The following MND1 variants were observed in gnomAD, a reference collection of about 807,000 sequenced individuals.
The protein encoded by MND1 is meiotic nuclear division protein 1 homolog.
MND1 carries 28 observed loss-of-function variants against 35.1 expected under a neutral mutation model. That is an observed-to-expected ratio of 0.80 (90% CI 0.59 to 1.09). The LOEUF (loss-of-function observed/expected upper bound fraction) is 1.09. Among genes scored for constraint, MND1 ranks in the 50% least tolerant of loss-of-function variants. The pLI is 0.00. For synonymous variants in MND1, 69 were observed against 70.5 expected (o/e 0.98, Z 0.11); for missense variants, 213 against 239.6 (o/e 0.89, Z 0.73).
intron 2 of MND1, 30 bp downstream of exon 2, chr4:153,350,159 T>A (rs1400614673): frequency 2.6e-6 from 4 of 1,510,062 alleles, no homozygotes; most frequent in Non-Finnish European, 3.6e-6. Flanking sequence ...ACTTATAATT[T>A]TGTGTAATTT....
chr4:153,347,516 C>G (rs1169979842), intron 1 of MND1, among the ~76,000 whole-genome samples: 1 of 152,150 alleles, frequency 6.6e-6, no homozygotes, highest in East Asian at 1.9e-4. Flanking sequence ...TTTATGTCTC[C>G]CTTGTCTAAC....
Position 153,358,555 on chromosome 4 carries a change from A to G in MND1, c.209A>G (p.Tyr70Cys). The G allele has an allele frequency of 6.2e-7, 1 of 1,613,738 alleles. No homozygotes were observed. The stretch of plus-strand genomic sequence containing the variant: ...TGTGAGAGGATCGGAACTTCTAATT[A>G]TTATTGGGCTTTTCCAAGTAAAGCT... ...VDCERIGTSN[Y>C]YWAFPSKALH... The change falls in exon 4 of 8, where the codon TAT (tyrosine) becomes TGT (cysteine). Residue 70 changes from tyrosine to cysteine, a missense_variant. By Grantham distance (194) the Tyr-to-Cys change is radical (BLOSUM62 -2). Coordinates refer to ENST00000240488, the MANE Select transcript of MND1 (RefSeq NM_032117.4).
chr4:153,367,874 C>G (rs1773695608), intron 4 of MND1, among the ~76,000 whole-genome samples: 1 of 152,268 alleles, frequency 6.6e-6, no homozygotes, highest in Admixed American at 6.5e-5. Flanking sequence ...TCTAGCCATC[C>G]TTGTGGGTAT....
chr4:153,394,123 C>A, intron 4 of MND1, 139 bp from the exon 5 acceptor site: 1 of 610,432 alleles, frequency 1.6e-6, no homozygotes. Context: ...GTCTCCATCT[C>A]TTGACCTTGT....
chr4:153,370,244 T>G (rs1773757742), intron 4 of MND1, among the ~76,000 whole-genome samples: 1 of 151,876 alleles, frequency 6.6e-6, no homozygotes, highest in Non-Finnish European at 1.5e-5. Context: ...ATCACACCAC[T>G]GCGCTCCAGC....
At chr4:153,377,326 T>C (rs1482079691) in intron 4 of MND1, among the ~76,000 whole-genome samples, 5 of 152,218 alleles carry the variant, frequency 3.3e-5, no homozygotes, top group African/African-American at 7.2e-5. Context: ...AGTGAATATA[T>C]ACAGTTCTTT....
chr4:153,378,580 G>T (rs1252247844), intron 4 of MND1, among the ~76,000 whole-genome samples: 3 of 152,134 alleles, frequency 2.0e-5, no homozygotes, highest in African/African-American at 7.2e-5. Context: ...GGTGATCCAT[G>T]GAATACACTT....
intron 6 of MND1, among the ~76,000 whole-genome samples, chr4:153,401,361 G>A (rs1043649531): frequency 2.0e-5 from 3 of 152,144 alleles, no homozygotes; most frequent in African/African-American, 4.8e-5. Context: ...GGGAGGAGAG[G>A]TTGCTGAGCC....
intron 4 of MND1, among the ~76,000 whole-genome samples, chr4:153,360,582 GTA>G (rs1400209003): frequency 1.3e-4 from 15 of 113,480 alleles, no homozygotes; most frequent in African/African-American, 4.6e-4. Flanking sequence ...CTTCTTTTCT[GTA>G]TGTGTGTGTG....
Position 153,397,397 on chromosome 4 carries a change from G to A in MND1, c.466+64G>A, listed in dbSNP as rs1267762756. On this transcript the variant is annotated intron_variant, in intron 6 of 7. Coordinates refer to ENST00000240488, the MANE Select transcript of MND1 (RefSeq NM_032117.4). ...TAATGAAGAAGACTTTATTTTTCTAGTTGCCTGCTAACTATTCTCCATGTA... is the reference window on the plus strand; with the variant it reads ...TAATGAAGAAGACTTTATTTTTCTAATTGCCTGCTAACTATTCTCCATGTA... 9.3e-6 allele frequency: 11 copies of A among 1,181,786 alleles called. No homozygotes were observed. The Admixed American group carries it at 2.3e-4, about 25-fold the overall frequency. 73.2% of individuals were successfully genotyped at this position (1,181,786 alleles called of 1,614,324 possible).
intron 6 of MND1, among the ~76,000 whole-genome samples, chr4:153,401,928 G>T (rs568434404): frequency 3.8e-4 from 58 of 152,286 alleles, no homozygotes; most frequent in Middle Eastern, 3.4e-3. Flanking sequence ...GCAGAGGCAG[G>T]CGGATCACTA....
At chr4:153,385,235 A>T (rs141104328) in intron 4 of MND1, among the ~76,000 whole-genome samples, 8 of 152,360 alleles carry the variant, frequency 5.3e-5, no homozygotes, top group African/African-American at 1.9e-4. Flanking sequence ...GAGGAATAGG[A>T]TGTTTTAAAT....
intron 4 of MND1, among the ~76,000 whole-genome samples, chr4:153,363,528 T>G (rs1371489631): frequency 1.3e-5 from 2 of 152,158 alleles, no homozygotes; most frequent in Non-Finnish European, 2.9e-5. Flanking sequence ...TATTGTTTTA[T>G]TCATCATTCA....
chr4:153,352,159 A>G (rs965739293), intron 2 of MND1, among the ~76,000 whole-genome samples: 9 of 152,200 alleles, frequency 5.9e-5, no homozygotes, highest in Non-Finnish European at 1.5e-5. Context: ...AAATTACTTC[A>G]GCAAACACTT....
intron 4 of MND1, among the ~76,000 whole-genome samples, chr4:153,365,037 G>A (rs917379000): frequency 6.6e-6 from 1 of 151,692 alleles, no homozygotes. Flanking sequence ...TGACATTGCT[G>A]ACCTTGGAAG....
rs765943574 is a variant in MND1 at position 153,381,692 on chromosome 4, ATTTTTTTTTTTTTTTT to A, written c.277-12554_277-12539del. ...AATATATATATATATATATATATAT[ATTTTTTTTTTTTTTTT>A]TTTTTTTTTTTTTTTAAGAGATAGA... On this transcript the variant is annotated intron_variant, in intron 4 of 7. Coordinates refer to ENST00000240488, the MANE Select transcript of MND1 (RefSeq NM_032117.4). The A allele has an allele frequency of 4.0e-3, 69 of 17,424 alleles. 2 individuals are homozygous for A. The highest frequency in any genetic ancestry group is 0.012 in the African/African-American group (63 of 5,208). 1.1% of individuals were successfully genotyped at this position (17,424 alleles called of 1,614,324 possible).
At chr4:153,401,756 G>A (rs1448193889) in intron 6 of MND1, among the ~76,000 whole-genome samples, 1 of 152,184 alleles carries the variant, frequency 6.6e-6, no homozygotes. Flanking sequence ...TTTATTCAGA[G>A]AACAATTTGG....
chr4:153,414,304 G>A (rs917388274), intron 7 of MND1, among the ~76,000 whole-genome samples: 11 of 149,686 alleles, frequency 7.3e-5, no homozygotes, highest in African/African-American at 2.5e-4. Context: ...TTTTTGATAC[G>A]GAGTGTCACT....
intron 2 of MND1, among the ~76,000 whole-genome samples, chr4:153,351,260 C>T (rs1773211471): frequency 6.6e-6 from 1 of 152,126 alleles, no homozygotes; most frequent in South Asian, 2.1e-4. Context: ...TAAAAATTGG[C>T]TGTTTCTAAC....
Sources: allele counts gnomAD v4.1 joint callset (sites outside exome capture counted in the v4.1 genomes callset), GRCh38; gene constraint gnomAD v4.1.1; transcripts MANE v1.5; gene names NCBI Gene and HGNC (gene_info 2026-07-23, HGNC 2026-07-21).